LRRC4: variants seen among roughly 807,000 people sequenced by gnomAD.
LRRC4 encodes the protein leucine rich repeat containing 4.
In LRRC4, 11 loss-of-function variants were observed where a neutral mutation model predicts 37.9. The observed-to-expected ratio is 0.29, with a 90% CI of 0.18 to 0.48. LRRC4 has a LOEUF of 0.48. Among genes scored for constraint, LRRC4 ranks in the 20% least tolerant of loss-of-function variants. The probability of loss-of-function intolerance (pLI) is 0.99; values close to 1 mark genes in which losing one functional copy is unlikely to be tolerated. For synonymous variants in LRRC4, 404 were observed against 346.7 expected, an observed-to-expected ratio of 1.17 and a Z score of -1.84; for missense variants, 717 against 842.1, an observed-to-expected ratio of 0.85 and a Z score of 1.84.
At position 128,030,671 on chromosome 7, in the gene LRRC4, T is replaced by C; in HGVS notation, c.-31A>G. The C allele has an allele frequency of 6.6e-7, 1 of 1,523,704 alleles. No homozygotes were observed. Among genetic ancestry groups the C allele is most frequent in the Non-Finnish European group, 8.8e-7 (1 of 1,132,896 alleles). The allele number at this position is 1,523,704 out of a possible 1,614,324, so 94.4% of individuals were successfully genotyped here. A position where few individuals can be genotyped will look rare whatever the true frequency, so the allele number is the denominator to read the frequency against. ...GGCACGTTCATAATTCACCATCGCC[T>C]GGGATTTTGGCTCGGAAAGGAGAAC... On this transcript the variant is annotated 5_prime_UTR_variant, in exon 2 of 2. Coordinates refer to ENST00000249363, the MANE Select transcript of LRRC4 (RefSeq NM_022143.5).
Position 128,029,665 on chromosome 7 carries a change from A to C in LRRC4, c.976T>G (p.Cys326Gly), listed in dbSNP as rs1267422375. 6.2e-7 allele frequency: 1 copy of C among 1,614,006 alleles called. No individual in the cohort carries two copies. Among genetic ancestry groups the C allele is most frequent in the South Asian group, 1.1e-5 (1 of 91,066 alleles). Residue 326 changes from cysteine (C) to glycine (G), a missense_variant, in exon 2 of 2, where the codon TGT (cysteine) becomes GGT (glycine). Physicochemically the swap from Cys to Gly is radical, Grantham distance 159. Coordinates refer to ENST00000249363, the MANE Select transcript of LRRC4 (RefSeq NM_022143.5). The surrounding 1 kb of genome is among the most constrained non-coding windows in gnomAD (Gnocchi z 4.2). The part of the protein sequence containing the change: ...REYIPTNSTC[C>G]GRCHAPMHMR... Reference sequence around the variant, plus strand: ...TGCATGGGAGCATGACAGCGGCCACAGCAGGTGGAATTGGTGGGTATATAC... The same window carrying C: ...TGCATGGGAGCATGACAGCGGCCACCGCAGGTGGAATTGGTGGGTATATAC...
chr7:128,029,744 G>A lies in LRRC4; in HGVS notation c.897C>T (p.His299=). ...TGTCACAATCACAGTTCCAAGGGTT[G>A]TGGTGTAGATGCAACTCCACCAGGT... The part of the protein sequence containing the change: ...LRYLVELHLH[H]NPWNCDCDIL... The change falls in exon 2 of 2, where the codon CAC becomes CAT. Residue 299 remains histidine, a synonymous_variant. Coordinates refer to ENST00000249363, the MANE Select transcript of LRRC4 (RefSeq NM_022143.5). This position sits in a 1 kb window ranked among gnomAD's most constrained non-coding sequence, Gnocchi z 4.2. 2 of 1,614,156 alleles carry A rather than the reference G, an allele frequency of 1.2e-6. No homozygotes were observed. Among genetic ancestry groups the A allele is most frequent in the Non-Finnish European group, 1.7e-6 (2 of 1,180,054 alleles).
rs753484516 is a variant in LRRC4 at position 128,029,562 on chromosome 7, C to G, written c.1079G>C (p.Arg360Pro). Residue 360 changes from arginine to proline, a missense_variant, in exon 2 of 2, where the codon CGA (arginine) becomes CCA (proline). Physicochemically the swap from Arg to Pro is moderately radical, Grantham distance 103. Coordinates refer to ENST00000249363, the MANE Select transcript of LRRC4 (RefSeq NM_022143.5). The surrounding 1 kb of genome is among the most constrained non-coding windows in gnomAD (Gnocchi z 4.2). The stretch of plus-strand genomic sequence containing the variant: ...CCGACCCTCAGAAATGTTGAGGTCT[C>G]GAGGTGCGTCCATGATGAAGGGGGC... ...CSAPFIMDAP[R>P]DLNISEGRMA... 6.2e-7 allele frequency: 1 copy of G among 1,613,958 alleles called. No individual in the cohort carries two copies. Among genetic ancestry groups the G allele is most frequent in the South Asian group, 1.1e-5 (1 of 91,072 alleles).
chr7:128,030,976 A>C lies in LRRC4; in HGVS notation c.-164T>G, dbSNP rs1792573617. ...TAAGCTTTCTCCACGGGAGCTGGGC[A>C]CCTCGTTCCCATTCCGACTTCTTAG... On this transcript the variant is annotated 5_prime_UTR_variant, in exon 1 of 2. Coordinates refer to ENST00000249363, the MANE Select transcript of LRRC4 (RefSeq NM_022143.5). The C allele has an allele frequency of 1.2e-5, 2 of 170,162 alleles. No homozygotes were observed. Among genetic ancestry groups the C allele is most frequent in the East Asian group, 2.9e-4 (2 of 7,008 alleles). The allele number at this position is 170,162 out of a possible 1,614,324, so 10.5% of individuals were successfully genotyped here. A position where few individuals can be genotyped will look rare whatever the true frequency, so the allele number is the denominator to read the frequency against.
upstream of LRRC4, among the ~76,000 whole-genome samples, chr7:128,031,816 G>A (rs1792622507): frequency 6.7e-6 from 1 of 149,026 alleles, no homozygotes; most frequent in South Asian, 2.1e-4. Flanking sequence ...GCGCGCCGCC[G>A]GCTCCGGCTT....
chr7:128,029,126 T>C lies in LRRC4; in HGVS notation c.1515A>G (p.Ala505=), dbSNP rs995820688. ...IQTTRVPKQV[A]VPATDTTDKM... is the part of the protein sequence containing the mutation. Reference sequence around the variant, plus strand: ...TGTCAGTGGTGTCTGTCGCGGGTACTGCCACCTGCTTGGGCACACGGGTAG... The same window carrying C: ...TGTCAGTGGTGTCTGTCGCGGGTACCGCCACCTGCTTGGGCACACGGGTAG... Residue 505 remains alanine (A), a synonymous_variant, in exon 2 of 2, where the codon GCA becomes GCG. Transcript: ENST00000249363. The surrounding 1 kb of genome is among the most constrained non-coding windows in gnomAD (Gnocchi z 4.2). 6 of 1,614,162 alleles carry C rather than the reference T, an allele frequency of 3.7e-6. No homozygotes were observed. Among genetic ancestry groups the C allele is most frequent in the Non-Finnish European group, 4.2e-6 (5 of 1,180,030 alleles).
Position 128,030,135 on chromosome 7 carries a change from C to T in LRRC4, c.506G>A (p.Arg169Gln), listed in dbSNP as rs1412590926. 6.2e-7 allele frequency: 1 copy of T among 1,614,152 alleles called. No individual in the cohort carries two copies. The change falls in exon 2 of 2, where the codon CGG (arginine) becomes CAG (glutamine). Residue 169 changes from arginine (R) to glutamine (Q), a missense_variant. By Grantham distance (43) the Arg-to-Gln change is conservative. Coordinates refer to ENST00000249363, the MANE Select transcript of LRRC4 (RefSeq NM_022143.5). ...IESIPSYAFN[R>Q]VPSLMRLDLG... ...GTCCAGGCGCATGAGGGAGGGCACC[C>T]GGTTGAAGGCGTAAGAGGGGATGCT...
chr7:128,031,837 G>A (rs1250715118), upstream of LRRC4, among the ~76,000 whole-genome samples: 3 of 149,938 alleles, frequency 2.0e-5, no homozygotes, highest in African/African-American at 7.3e-5. Context: ...TGTGCGGAGG[G>A]AGCGAGTTCG....
Position 128,030,751 on chromosome 7 carries a change from A to T in LRRC4, c.-100-11T>A, listed in dbSNP as rs1226352113. On this transcript the variant is annotated splice_polypyrimidine_tract_variant and intron_variant, in intron 1 of 1. Transcript: ENST00000249363. ...AGCTCCTCTTTCCATCTGGAGAAGG[A>T]GGTGGGGAGGGGGCGATTAGAGAGA... 4 of 1,347,928 alleles carry T rather than the reference A, an allele frequency of 3.0e-6. No homozygotes were observed. The Admixed American group carries it at 1.0e-4, about 35-fold the overall frequency. The allele number at this position is 1,347,928 out of a possible 1,614,324, so 83.5% of individuals were successfully genotyped here. A position where few individuals can be genotyped will look rare whatever the true frequency, so the allele number is the denominator to read the frequency against.
At position 128,029,363 on chromosome 7, in the gene LRRC4, C is replaced by T. The variant is rs1792505440; in HGVS notation, c.1278G>A (p.Val426=). 6.2e-7 allele frequency: 1 copy of T among 1,614,160 alleles called. No individual in the cohort carries two copies. The highest frequency in any genetic ancestry group is 8.5e-7 in the Non-Finnish European group (1 of 1,180,040). The change falls in exon 2 of 2, where the codon GTG becomes GTA. Residue 426 remains valine, a synonymous_variant. Coordinates refer to ENST00000249363, the MANE Select transcript of LRRC4 (RefSeq NM_022143.5). This position sits in a 1 kb window ranked among gnomAD's most constrained non-coding sequence, Gnocchi z 4.2. ...LSDTGVYTCM[V]TNVAGNSNAS... The stretch of plus-strand genomic sequence containing the variant: ...CGTTGGAGTTGCCTGCAACATTGGT[C>T]ACCATGCATGTGTACACCCCAGTGT...
In LRRC4 at chr7:128,029,117, C is replaced by T. The variant is rs1584747630; in HGVS notation, c.1524G>A (p.Ala508=). ...TRVPKQVAVP[A]TDTTDKMQTS... is the part of the protein sequence containing the mutation. ...TCTGCATCTTGTCAGTGGTGTCTGT[C>T]GCGGGTACTGCCACCTGCTTGGGCA... The change falls in exon 2 of 2, where the codon GCG becomes GCA. Residue 508 remains alanine (A), a synonymous_variant. Coordinates refer to ENST00000249363, the MANE Select transcript of LRRC4 (RefSeq NM_022143.5). This position sits in a 1 kb window ranked among gnomAD's most constrained non-coding sequence, Gnocchi z 4.2. 4 of 1,613,974 alleles carry T rather than the reference C, an allele frequency of 2.5e-6. No individual in the cohort carries two copies. The South Asian group carries it at 4.4e-5, about 18-fold the overall frequency.
Position 128,028,448 on chromosome 7 carries a change from C to G in LRRC4, c.*231G>C, listed in dbSNP as rs1010795999. ...GCAAGTTAACTTGTGGCTTGTACCC[C>G]ACAACGTTCCCAAGATTCCCCCCCA... On this transcript the variant is annotated 3_prime_UTR_variant, in exon 2 of 2. Coordinates refer to ENST00000249363, the MANE Select transcript of LRRC4 (RefSeq NM_022143.5). 254 of 456,432 alleles carry G rather than the reference C, an allele frequency of 5.6e-4. 3 individuals are homozygous for G. In the Admixed American group the frequency reaches 5.9e-3, roughly 11 times the overall value. 28.3% of individuals were successfully genotyped at this position (456,432 alleles called of 1,614,324 possible).
chr7:128,030,813 G>A (rs1792568514), intron 1 of LRRC4, 73 bp from the exon 2 acceptor site: 1 of 796,372 alleles, frequency 1.3e-6, no homozygotes, highest in Non-Finnish European at 1.9e-6. Flanking sequence ...TGCCAAACTC[G>A]AGCGGCCCCT....
rs1803523541 is a variant in LRRC4 at position 128,027,834 on chromosome 7, G to GGCC, written c.*842_*844dup. ...CCCCCTGCTGCCGCACCCCTTCAGG[G>GGCC]GCCTCCTCCTCCTGGGAAACCCTGA... On this transcript the variant is annotated 3_prime_UTR_variant, in exon 2 of 2. Transcript: ENST00000249363. 1 of 152,068 alleles carries GGCC rather than the reference G, an allele frequency of 6.6e-6. No homozygotes were observed. The highest frequency in any genetic ancestry group is 2.1e-4 in the South Asian group (1 of 4,814). The allele number at this position is 152,068 out of a possible 1,614,324, so 9.4% of individuals were successfully genotyped here.
Position 128,029,522 on chromosome 7 carries a change from C to T in LRRC4, c.1119G>A (p.Lys373=), listed in dbSNP as rs776979173. ...CGGAGGACATAGGGGGAGTCCGACA[C>T]TTAAGTTCTGCCATCCGACCCTCAG... ...NISEGRMAEL[K]CRTPPMSSVK... The change falls in exon 2 of 2, where the codon AAG becomes AAA. Residue 373 remains lysine (K), a synonymous_variant. Coordinates refer to ENST00000249363, the MANE Select transcript of LRRC4 (RefSeq NM_022143.5). This position sits in a 1 kb window ranked among gnomAD's most constrained non-coding sequence, Gnocchi z 4.2. 2.5e-6 allele frequency: 4 copies of T among 1,614,058 alleles called. No individual in the cohort carries two copies. In the Admixed American group the frequency reaches 6.7e-5, roughly 27 times the overall value.
rs1204211340 is a variant in LRRC4 at position 128,028,827 on chromosome 7, A to G, written c.1814T>C (p.Ile605Thr). 6.2e-7 allele frequency: 1 copy of G among 1,614,044 alleles called. No homozygotes were observed. The highest frequency in any genetic ancestry group is 1.3e-5 in the African/African-American group (1 of 74,924). ...TGCTGGTTTGTAGGTGTTGTAGTTA[A>G]TATGGTCATGAATTGTGGGCAGCAC... ...AVVLPTIHDH[I>T]NYNTYKPAHG... is the part of the protein sequence containing the mutation. Residue 605 changes from isoleucine (I) to threonine (T), a missense_variant, in exon 2 of 2, where the codon ATT becomes ACT. Physicochemically the swap from Ile to Thr is moderately conservative, Grantham distance 89 (BLOSUM62 -1). This residue lies in a region of LRRC4 where 140 missense variants were observed against 137.2 expected (regional missense o/e 1.02). Coordinates refer to ENST00000249363, the MANE Select transcript of LRRC4 (RefSeq NM_022143.5).
chr7:128,028,342 CTCTT>C lies in LRRC4; in HGVS notation c.*333_*336del, dbSNP rs1803538843. ...GCCCCCTCAGCAGCCCACACCCTAC[CTCTT>C]TAAGGATGTTTGTTGTTTTAGTTTA... On this transcript the variant is annotated 3_prime_UTR_variant, in exon 2 of 2. Coordinates refer to ENST00000249363, the MANE Select transcript of LRRC4 (RefSeq NM_022143.5). The C allele has an allele frequency of 4.6e-6, 1 of 216,732 alleles. No individual in the cohort carries two copies. The highest frequency in any genetic ancestry group is 5.2e-5 in the Admixed American group (1 of 19,148). The allele number at this position is 216,732 out of a possible 1,614,324, so 13.4% of individuals were successfully genotyped here. A position where few individuals can be genotyped will look rare whatever the true frequency, so the allele number is the denominator to read the frequency against.
upstream of LRRC4, among the ~76,000 whole-genome samples, chr7:128,031,789 C>T (rs929715): frequency 0.17 from 24,574 of 143,720 alleles, 2,502 homozygotes; most frequent in African/African-American, 0.29. Context: ...TCGCCGCCCG[C>T]CGCTGCCCGG....
At position 128,030,410 on chromosome 7, in the gene LRRC4, G is replaced by A. The variant is rs780679667; in HGVS notation, c.231C>T (p.Thr77=). Residue 77 remains threonine, a synonymous_variant, in exon 2 of 2, where the codon ACC becomes ACT. Transcript: ENST00000249363. ...TGTTCTCCATGAGGTTGAGGTACCG[G>A]GTGTTCGAGGGAATACCCTGCGGGA... ...SEVPQGIPSN[T]RYLNLMENNI... 6.8e-6 allele frequency: 11 copies of A among 1,613,866 alleles called. No homozygotes were observed. The highest frequency in any genetic ancestry group is 9.3e-6 in the Non-Finnish European group (11 of 1,180,038).
Sources: allele counts gnomAD v4.1 joint callset (sites outside exome capture counted in the v4.1 genomes callset), GRCh38; gene constraint gnomAD v4.1.1; regional missense constraint gnomAD v4.1.1; non-coding constraint Gnocchi (gnomAD v3.1); transcripts MANE v1.5; gene names NCBI Gene and HGNC (gene_info 2026-07-23, HGNC 2026-07-21).